XRCC2: variants seen among roughly 807,000 people sequenced by gnomAD.
XRCC2 encodes X-ray repair cross complementing 2, also known as DNA repair protein XRCC2.
Under a neutral mutation model 27.3 loss-of-function variants are expected in XRCC2, and 24 were observed. That is an observed-to-expected ratio of 0.88 (90% CI 0.64 to 1.24). The LOEUF is 1.24. Ranked by LOEUF, XRCC2 falls within the 50% of genes most tolerant of loss-of-function variation. The probability of loss-of-function intolerance (pLI) is 0.00; values close to 1 mark genes in which losing one functional copy is unlikely to be tolerated. For synonymous variants in XRCC2, 106 were observed against 115.4 expected, an observed-to-expected ratio of 0.92 and a Z score of 0.52; for missense variants, 321 against 325.8, an observed-to-expected ratio of 0.99 and a Z score of 0.11.
At chr7:152,674,705 T>TATATATAAAAATATATTA (rs200794364) in intron 1 of XRCC2, among the ~76,000 whole-genome samples, 1 of 20,696 alleles carries the variant, frequency 4.8e-5, no homozygotes, top group Non-Finnish European at 8.2e-5. Context: ...AAATATATAT[T>TATATATAAAAATATATTA]TATATAATAT....
chr7:152,649,233 A>G lies in XRCC2; in HGVS notation c.252T>C (p.Asp84=), dbSNP rs775563874. Residue 84 remains aspartate, a synonymous_variant, in exon 3 of 3, where the codon GAT becomes GAC. Transcript: ENST00000359321. The part of the protein sequence containing the change: ...LEVEVLFIDT[D]YHFDMLRLVT... ...CTAGCCGGAGCATATCAAAGTGGTA[A>G]TCTGTATCAATAAATAAGACTTCTA... 3.7e-6 allele frequency: 6 copies of G among 1,613,726 alleles called. No homozygotes were observed. In the African/African-American group the frequency reaches 8.0e-5, roughly 22 times the overall value.
chr7:152,662,334 C>A (rs561004248), intron 1 of XRCC2, among the ~76,000 whole-genome samples: 3 of 151,750 alleles, frequency 2.0e-5, no homozygotes, highest in African/African-American at 7.3e-5. Flanking sequence ...TAAAACCATA[C>A]GTGGAGAGAG....
At chr7:152,664,794 T>TGA (rs2098034861) in intron 1 of XRCC2, among the ~76,000 whole-genome samples, 1 of 151,938 alleles carries the variant, frequency 6.6e-6, no homozygotes, top group Non-Finnish European at 1.5e-5. Flanking sequence ...TCTTCAGGAA[T>TGA]GATAACTGGT....
intron 1 of XRCC2, among the ~76,000 whole-genome samples, chr7:152,666,679 A>C (rs1432530825): frequency 6.6e-6 from 1 of 150,466 alleles, no homozygotes; most frequent in East Asian, 1.9e-4. Context: ...GTGCAGTGGC[A>C]CAAGTTCAGC....
Position 152,647,529 on chromosome 7 carries a change from G to C in XRCC2, c.*1113C>G, listed in dbSNP as rs1487422382. The C allele has an allele frequency of 6.6e-6, 1 of 150,672 alleles. No individual in the cohort carries two copies. Among genetic ancestry groups the C allele is most frequent in the African/African-American group, 2.5e-5 (1 of 40,146 alleles). The allele number at this position is 150,672 out of a possible 1,614,324, so 9.3% of individuals were successfully genotyped here. A position where few individuals can be genotyped will look rare whatever the true frequency, so the allele number is the denominator to read the frequency against. ...TGTCTTCCAGGATTTTTACTGTTTTGGGTTTTACATTAAGTCTTTAATCCA... is the reference window on the plus strand; with the variant it reads ...TGTCTTCCAGGATTTTTACTGTTTTCGGTTTTACATTAAGTCTTTAATCCA... On this transcript the variant is annotated 3_prime_UTR_variant, in exon 3 of 3. Transcript: ENST00000359321.
At chr7:152,658,935 T>C (rs2098031878) in intron 2 of XRCC2, among the ~76,000 whole-genome samples, 1 of 152,172 alleles carries the variant, frequency 6.6e-6, no homozygotes. Flanking sequence ...TAAACAAGAG[T>C]GTGCAAATAT....
chr7:152,651,384 T>G (rs1226146092), intron 2 of XRCC2, among the ~76,000 whole-genome samples: 3 of 150,008 alleles, frequency 2.0e-5, no homozygotes, highest in African/African-American at 4.9e-5. Flanking sequence ...GCCCAAGAGT[T>G]CAATATCAGC....
chr7:152,647,095 C>T lies in XRCC2; in HGVS notation c.*1547G>A, dbSNP rs2098026306. On this transcript the variant is annotated 3_prime_UTR_variant, in exon 3 of 3. Transcript: ENST00000359321. The stretch of plus-strand genomic sequence containing the variant: ...TATTTTCTGACATTTTTATAATAGC[C>T]ATTTGGACTGGTGTGAGATGGTATC... The T allele has an allele frequency of 6.6e-6, 1 of 152,090 alleles. No individual in the cohort carries two copies. Among genetic ancestry groups the T allele is most frequent in the African/African-American group, 2.4e-5 (1 of 41,420 alleles). The allele number at this position is 152,090 out of a possible 1,614,324, so 9.4% of individuals were successfully genotyped here.
chr7:152,674,594 AG>A (rs963385801), intron 1 of XRCC2, among the ~76,000 whole-genome samples: 1 of 150,048 alleles, frequency 6.7e-6, no homozygotes, highest in African/African-American at 2.4e-5. Context: ...CCTGGGCAAC[AG>A]AGCGAGAGTT....
rs55903024 is a variant in XRCC2, at chr7:152,646,301, GGTGTGTGTGTGTGTGT to G, written c.*2325_*2340del. 6.7e-6 allele frequency: 1 copy of G among 149,076 alleles called. No individual in the cohort carries two copies. Among genetic ancestry groups the G allele is most frequent in the Non-Finnish European group, 1.5e-5 (1 of 67,300 alleles). The allele number at this position is 149,076 out of a possible 1,614,324, so 9.2% of individuals were successfully genotyped here. A position where few individuals can be genotyped will look rare whatever the true frequency, so the allele number is the denominator to read the frequency against. On this transcript the variant is annotated 3_prime_UTR_variant, in exon 3 of 3. Coordinates refer to ENST00000359321, the MANE Select transcript of XRCC2 (RefSeq NM_005431.2). Reference sequence around the variant, plus strand: ...GCCACGTATTCTAAGTCTGTGAGAGGGTGTGTGTGTGTGTGTGTGTGTGTGTTGTTCCCTTCTTTGT... The same window carrying G: ...GCCACGTATTCTAAGTCTGTGAGAGGGTGTGTGTGTTGTTCCCTTCTTTGT...
At position 152,660,787 on chromosome 7, in the gene XRCC2, T is replaced by C. The variant is rs780998300; in HGVS notation, c.40-5A>G. The C allele has an allele frequency of 3.1e-6, 5 of 1,603,114 alleles. No individual in the cohort carries two copies. The highest frequency in any genetic ancestry group is 4.3e-6 in the Non-Finnish European group (5 of 1,174,782). ...ACCTTCAAGTCGGGCAAGGAGCTTA[T>C]AAAAGAAGAGAGAAGGAAAACTCAT... On this transcript the variant is annotated splice_region_variant and splice_polypyrimidine_tract_variant and intron_variant, in intron 1 of 2. Coordinates refer to ENST00000359321, the MANE Select transcript of XRCC2 (RefSeq NM_005431.2).
At chr7:152,656,703 G>A (rs1260478109) in intron 2 of XRCC2, among the ~76,000 whole-genome samples, 2 of 152,174 alleles carry the variant, frequency 1.3e-5, no homozygotes, top group Admixed American at 1.3e-4. Context: ...CATATTGTCA[G>A]TTTCATAAGG....
chr7:152,669,936 T>TAAA (rs78706535), intron 1 of XRCC2, among the ~76,000 whole-genome samples: 37 of 133,908 alleles, frequency 2.8e-4, no homozygotes, highest in South Asian at 9.5e-4. Context: ...CAAAAGGCTG[T>TAAA]AAAAAAAAAA....
rs1416050233 is a variant in XRCC2 at position 152,648,425 on chromosome 7, AAAAG to A, written c.*213_*216del. 2 of 367,562 alleles carry A rather than the reference AAAAG, an allele frequency of 5.4e-6. No individual in the cohort carries two copies. Among genetic ancestry groups the A allele is most frequent in the Non-Finnish European group, 9.5e-6 (2 of 210,980 alleles). The allele number at this position is 367,562 out of a possible 1,614,324, so 22.8% of individuals were successfully genotyped here. On this transcript the variant is annotated 3_prime_UTR_variant, in exon 3 of 3. Coordinates refer to ENST00000359321, the MANE Select transcript of XRCC2 (RefSeq NM_005431.2). ...ACTGTTTCAAAAAGAAAAAAAAAAAAAAAGAAAACTTTTGGCCACGAGCAGTGGC... is the reference window on the plus strand; with the variant it reads ...ACTGTTTCAAAAAGAAAAAAAAAAAAAAAACTTTTGGCCACGAGCAGTGGC...
rs1389958418 is a variant in XRCC2 at position 152,644,962 on chromosome 7, AGAT to A, written c.*3677_*3679del. The A allele has an allele frequency of 3.3e-5, 5 of 152,094 alleles. No homozygotes were observed. The highest frequency in any genetic ancestry group is 9.7e-5 in the African/African-American group (4 of 41,344). 9.4% of individuals were successfully genotyped at this position (152,094 alleles called of 1,614,324 possible). A position where few individuals can be genotyped will look rare whatever the true frequency, so the allele number is the denominator to read the frequency against. ...CTGAAAGAGATGATTCTGATGATTCAGATGATTCTGATGTTAGTTCTGTTTAGA... is the reference window on the plus strand; with the variant it reads ...CTGAAAGAGATGATTCTGATGATTCAGATTCTGATGTTAGTTCTGTTTAGA... On this transcript the variant is annotated 3_prime_UTR_variant, in exon 3 of 3. Transcript: ENST00000359321.
At chr7:152,670,899 T>A (rs767345271) in intron 1 of XRCC2, among the ~76,000 whole-genome samples, 15 of 152,194 alleles carry the variant, frequency 9.9e-5, no homozygotes, top group Non-Finnish European at 1.8e-4. Flanking sequence ...CCCATACAGA[T>A]GTTTTTAAAC....
chr7:152,658,859 A>G (rs2116997823), intron 2 of XRCC2, among the ~76,000 whole-genome samples: 1 of 152,362 alleles, frequency 6.6e-6, no homozygotes, highest in South Asian at 2.1e-4. Flanking sequence ...CCAGGGATTC[A>G]TTATAAGCAC....
chr7:152,651,195 C>T (rs1476380232), intron 2 of XRCC2, among the ~76,000 whole-genome samples: 1 of 152,086 alleles, frequency 6.6e-6, no homozygotes, highest in Non-Finnish European at 1.5e-5. Context: ...CCACCTCGGC[C>T]TCCCAAAGTG....
Position 152,648,882 on chromosome 7 carries a change from T to G in XRCC2, c.603A>C (p.Lys201Asn). 6.2e-7 allele frequency: 1 copy of G among 1,614,146 alleles called. No individual in the cohort carries two copies. Among genetic ancestry groups the G allele is most frequent in the Non-Finnish European group, 8.5e-7 (1 of 1,180,002 alleles). The change falls in exon 3 of 3, where the codon AAA becomes AAC. Residue 201 changes from lysine (K) to asparagine (N), a missense_variant. Physicochemically the swap from Lys to Asn is moderately conservative, Grantham distance 94. Coordinates refer to ENST00000359321, the MANE Select transcript of XRCC2 (RefSeq NM_005431.2). ...LFATTQTIMQ[K>N]ASSSSEEPSH... ...AAGGTTCTTCTGATGAGCTCGAGGC[T>G]TTCTGCATTATAGTTTGTGTCGTTG... is the stretch of plus-strand genomic sequence containing the variant.
Sources: allele counts gnomAD v4.1 joint callset (sites outside exome capture counted in the v4.1 genomes callset), GRCh38; gene constraint gnomAD v4.1.1; transcripts MANE v1.5; gene names NCBI Gene and HGNC (gene_info 2026-07-23, HGNC 2026-07-21).